The following RIMS2 variants were observed in gnomAD, a reference collection of about 807,000 sequenced individuals.
The protein encoded by RIMS2 is regulating synaptic membrane exocytosis 2, also known as regulating synaptic membrane exocytosis protein 2.
A neutral mutation model predicts 174.4 loss-of-function variants in RIMS2; 59 were observed. The ratio of observed to expected loss-of-function variants is 0.34; its 90% CI spans 0.27 to 0.42. RIMS2 has a LOEUF of 0.42. RIMS2 is among the 10% of genes least tolerant of loss of function. RIMS2 has a pLI of 1.00. For missense variants in RIMS2, 1,620 were observed against 1,666.3 expected (o/e 0.97, Z 0.48); for synonymous variants, 606 against 572.5 (o/e 1.06, Z -0.84).
At chr8:103,506,858 T>G (rs1823926029) in intron 1 of RIMS2, among the ~76,000 whole-genome samples, 1 of 152,144 alleles carries the variant, frequency 6.6e-6, no homozygotes, top group Non-Finnish European at 1.5e-5. Context: ...TTAAGGAGCC[T>G]GATAACTAAG....
chr8:104,068,396 C>G, intron 19 of RIMS2, 116 bp from the exon 23 acceptor site: 1 of 525,270 alleles, frequency 1.9e-6, no homozygotes, highest in East Asian at 3.0e-5. Context: ...TTTGTACATG[C>G]TACATTGAGT....
chr8:104,028,970 T>G (rs1022942290), intron 19 of RIMS2, among the ~76,000 whole-genome samples: 4 of 152,224 alleles, frequency 2.6e-5, no homozygotes, highest in African/African-American at 9.6e-5. Flanking sequence ...TATGGTTATT[T>G]TTGATTATAT....
chr8:103,879,871 A>C (rs1326883212), intron 3 of RIMS2, among the ~76,000 whole-genome samples: 1 of 151,662 alleles, frequency 6.6e-6, no homozygotes, highest in Non-Finnish European at 1.5e-5. Flanking sequence ...CTAGGAAGGA[A>C]TTTGTGTGGC....
intron 1 of RIMS2, among the ~76,000 whole-genome samples, chr8:103,555,078 G>A (rs1024653133): frequency 6.6e-6 from 1 of 152,126 alleles, no homozygotes; most frequent in Admixed American, 6.6e-5. Flanking sequence ...TACCTATCAT[G>A]TACTGTGCTT....
chr8:103,857,129 A>G (rs1169447077), intron 3 of RIMS2, among the ~76,000 whole-genome samples: 2 of 152,176 alleles, frequency 1.3e-5, no homozygotes, highest in Non-Finnish European at 2.9e-5. Flanking sequence ...TGTTACATAA[A>G]ATTTTACTCA....
intron 1 of RIMS2, among the ~76,000 whole-genome samples, chr8:103,563,079 G>A (rs939294408): frequency 1.3e-5 from 2 of 152,174 alleles, no homozygotes; most frequent in African/African-American, 2.4e-5. Flanking sequence ...GGCCTGTGAT[G>A]GGAGGGGCTG....
intron 1 of RIMS2, among the ~76,000 whole-genome samples, chr8:103,590,105 G>A (rs1239820899): frequency 6.6e-6 from 1 of 151,400 alleles, no homozygotes; most frequent in Non-Finnish European, 1.5e-5. Flanking sequence ...GTAACTCAAA[G>A]AATAAATGCT....
In RIMS2 at chr8:103,522,621, T is replaced by G. The variant is rs2130536785; in HGVS notation, c.176+21559T>G. 1.3e-5 allele frequency among the ~76,000 whole-genome samples: 2 copies of G among 152,318 alleles called. 1 individual carries two copies. Among genetic ancestry groups the G allele is most frequent in the South Asian group, 4.1e-4 (2 of 4,832 alleles). ...CTTTTTACCACTTACAAATGACTTC[T>G]TCCTTTGGGTATCTGATGGTTTCCA... On this transcript the variant is annotated intron_variant, in intron 1 of 23. Coordinates refer to ENST00000504942, the Ensembl canonical transcript of RIMS2.
intron 6 of RIMS2, among the ~76,000 whole-genome samples, chr8:103,912,986 T>A (rs2075989900): frequency 6.8e-6 from 1 of 147,768 alleles, no homozygotes; most frequent in Non-Finnish European, 1.5e-5. Context: ...TTTTTTTTTT[T>A]TTTTGAGATG....
At chr8:103,910,630 C>G in intron 5 of RIMS2, 101 bp downstream of exon 8, 1 of 668,372 alleles carries the variant, frequency 1.5e-6, no homozygotes, top group Non-Finnish European at 2.5e-6. Flanking sequence ...CAGGGCATCT[C>G]AAGGGTCACT....
At chr8:103,631,394 T>C (rs1489350646) in intron 1 of RIMS2, among the ~76,000 whole-genome samples, 1 of 152,232 alleles carries the variant, frequency 6.6e-6, no homozygotes, top group African/African-American at 2.4e-5. Flanking sequence ...GAGATTCTTT[T>C]CCACATTGCT....
intron 19 of RIMS2, among the ~76,000 whole-genome samples, chr8:104,117,601 C>T (rs2098299621): frequency 6.6e-6 from 1 of 152,102 alleles, no homozygotes; most frequent in Non-Finnish European, 1.5e-5. Flanking sequence ...CTGGGCCTCC[C>T]AAAGTGCTGG....
chr8:104,003,672 C>A (rs998170173), intron 17 of RIMS2, among the ~76,000 whole-genome samples: 1 of 152,102 alleles, frequency 6.6e-6, no homozygotes, highest in Non-Finnish European at 1.5e-5. Context: ...CTTTGGCCTC[C>A]CAAAGCACTG....
At chr8:104,015,550 T>C in intron 19 of RIMS2, 2 of 580,084 alleles carry the variant, frequency 3.4e-6, no homozygotes, top group South Asian at 2.2e-5. Flanking sequence ...TGTCCTTTCG[T>C]TGTGTAGACT....
At chr8:103,775,317 A>G (rs550801025) in intron 3 of RIMS2, among the ~76,000 whole-genome samples, 10 of 152,280 alleles carry the variant, frequency 6.6e-5, no homozygotes, top group Admixed American at 5.9e-4. Context: ...TTGTAAAAGG[A>G]AATCAAAGTA....
At chr8:103,819,345 C>T in intron 3 of RIMS2, 1 of 1,492,732 alleles carries the variant, frequency 6.7e-7, no homozygotes. Flanking sequence ...AATGACTGTA[C>T]AATTAACTAT....
chr8:103,957,596 G>A (rs911752663), intron 14 of RIMS2, among the ~76,000 whole-genome samples: 18 of 152,134 alleles, frequency 1.2e-4, no homozygotes, highest in Non-Finnish European at 2.1e-4. Context: ...CTCACACAGC[G>A]GGGCCTGTTG....
chr8:103,967,484 A>G (rs1211486393), intron 15 of RIMS2, among the ~76,000 whole-genome samples: 1 of 150,448 alleles, frequency 6.6e-6, no homozygotes, highest in Non-Finnish European at 1.5e-5. Flanking sequence ...ATGAACCACC[A>G]TGCCCAGCCT....
chr8:103,994,003 A>T (rs1370782799), intron 17 of RIMS2, among the ~76,000 whole-genome samples: 1 of 149,996 alleles, frequency 6.7e-6, no homozygotes, highest in African/African-American at 2.5e-5. Flanking sequence ...GTGAGCTGAG[A>T]TCGCACCACT....
Sources: allele counts gnomAD v4.1 joint callset (sites outside exome capture counted in the v4.1 genomes callset), GRCh38; gene constraint gnomAD v4.1.1; transcripts MANE v1.5; gene names NCBI Gene and HGNC (gene_info 2026-07-23, HGNC 2026-07-21).